The following PLCD3 variants were observed in gnomAD, a reference collection of about 807,000 sequenced individuals.
The protein encoded by PLCD3 is 1-phosphatidylinositol 4,5-bisphosphate phosphodiesterase delta-3.
Under a neutral mutation model 82.8 loss-of-function variants are expected in PLCD3, and 62 were observed. The observed-to-expected ratio is 0.75, with a 90% CI of 0.61 to 0.93. The LOEUF is 0.93. Among genes scored for constraint, PLCD3 ranks in the 40% least tolerant of loss-of-function variants. PLCD3 has a pLI of 0.00. For synonymous variants in PLCD3, 478 were observed against 471.8 expected (o/e 1.01, Z -0.17); for missense variants, 1,023 against 1,103.4 (o/e 0.93, Z 1.03).
intron 10 of PLCD3, 73 bp from the exon 11 acceptor site, chr17:45,114,439 C>T (rs1396870550): frequency 5.3e-5 from 66 of 1,255,584 alleles, no homozygotes; most frequent in Non-Finnish European, 4.4e-6. Context: ...CTGTAACCTC[C>T]AGGGAACAGA....
intron 8 of PLCD3, among the ~76,000 whole-genome samples, chr17:45,116,067 G>A (rs1463596133): frequency 1.3e-5 from 2 of 152,230 alleles, no homozygotes; most frequent in East Asian, 1.9e-4. Context: ...ACGAGGGTGA[G>A]TCAACCCTGC....
intron 8 of PLCD3, 146 bp downstream of exon 8, chr17:45,116,486 C>G: frequency 1.2e-6 from 1 of 847,538 alleles, no homozygotes. Flanking sequence ...CAGGGGATGG[C>G]AGACCTCAGA....
chr17:45,113,019 C>T lies in PLCD3; in HGVS notation c.2132-7G>A, dbSNP rs1378383068. 6.2e-7 allele frequency: 1 copy of T among 1,602,702 alleles called. No homozygotes were observed. The highest frequency in any genetic ancestry group is 1.7e-5 in the Admixed American group (1 of 59,334). On this transcript the variant is annotated splice_region_variant and splice_polypyrimidine_tract_variant and intron_variant, in intron 13 of 14. Coordinates refer to ENST00000619929, the MANE Select transcript of PLCD3 (RefSeq NM_133373.5). ...CCCCAGCGGGGGTTGAAGCCTAGGG[C>T]ACAGGGATGGCAGTCAGAGCCCAGG...
At position 45,132,215 on chromosome 17, in the gene PLCD3, C is replaced by T. The variant is rs949453766; in HGVS notation, c.163+33G>A. 8.0e-7 allele frequency: 1 copy of T among 1,250,702 alleles called. No homozygotes were observed. Among genetic ancestry groups the T allele is most frequent in the Non-Finnish European group, 1.0e-6 (1 of 997,030 alleles). 77.5% of individuals were successfully genotyped at this position (1,250,702 alleles called of 1,614,324 possible). The stretch of plus-strand genomic sequence containing the variant: ...AGACTGGGCCTCTGGGAACGGTCCG[C>T]GCCCACCCCACCGCCCCTTGCCCGT... On this transcript the variant is annotated intron_variant, in intron 1 of 14. Coordinates refer to ENST00000619929, the MANE Select transcript of PLCD3 (RefSeq NM_133373.5). The surrounding 1 kb of genome is among the most constrained non-coding windows in gnomAD (Gnocchi z 4.6).
chr17:45,129,390 G>A (rs1168143544), intron 1 of PLCD3: 3 of 152,208 alleles, frequency 2.0e-5, no homozygotes, highest in African/African-American at 7.2e-5. Flanking sequence ...ATCACTTGAG[G>A]TCAGGAATTT....
chr17:45,123,491 CA>C (rs1401627521), intron 1 of PLCD3, among the ~76,000 whole-genome samples: 2 of 152,200 alleles, frequency 1.3e-5, no homozygotes. Context: ...GGTAGACGGA[CA>C]GATGGGGGGA....
chr17:45,132,449 C>A lies in PLCD3; in HGVS notation c.-39G>T, dbSNP rs924064104. The A allele has an allele frequency of 2.3e-5, 27 of 1,165,312 alleles. No individual in the cohort carries two copies. Among genetic ancestry groups the A allele is most frequent in the Non-Finnish European group, 2.8e-5 (26 of 939,946 alleles). The allele number at this position is 1,165,312 out of a possible 1,614,324, so 72.2% of individuals were successfully genotyped here. ...GCCGGGGCCGGGCCCGGGGTCTGCA[C>A]GCGGGGACAGGGCAGCGGGGCGCCG... On this transcript the variant is annotated 5_prime_UTR_variant, in exon 1 of 15. Transcript: ENST00000619929. This position sits in a 1 kb window ranked among gnomAD's most constrained non-coding sequence, Gnocchi z 4.6.
At chr17:45,116,301 C>A (rs2054291013) in intron 8 of PLCD3, among the ~76,000 whole-genome samples, 1 of 152,158 alleles carries the variant, frequency 6.6e-6, no homozygotes, top group South Asian at 2.1e-4. Flanking sequence ...CGAGAAGGGA[C>A]TTCCAGGTGG....
chr17:45,128,839 T>C (rs953507035), intron 1 of PLCD3, among the ~76,000 whole-genome samples: 7 of 152,256 alleles, frequency 4.6e-5, no homozygotes, highest in African/African-American at 1.4e-4. Context: ...TGTATTTTAT[T>C]TGGCAGCCCT....
Position 45,118,248 on chromosome 17 carries a change from C to T in PLCD3, c.1115+43G>A, listed in dbSNP as rs1474991860. ...CCCAGGAAGCCAGCCCATGTCTCTC[C>T]CCAGGTGGGGCTCCCGGAAACATTC... On this transcript the variant is annotated intron_variant, in intron 6 of 14. Coordinates refer to ENST00000619929, the MANE Select transcript of PLCD3 (RefSeq NM_133373.5). This position sits in a 1 kb window ranked among gnomAD's most constrained non-coding sequence, Gnocchi z 4.1. 3.1e-6 allele frequency: 5 copies of T among 1,612,812 alleles called. No homozygotes were observed. The highest frequency in any genetic ancestry group is 3.4e-6 in the Non-Finnish European group (4 of 1,179,100).
Position 45,118,756 on chromosome 17 carries a change from G to A in PLCD3, c.913+59C>T, listed in dbSNP as rs993204569. On this transcript the variant is annotated intron_variant, in intron 5 of 14. Coordinates refer to ENST00000619929, the MANE Select transcript of PLCD3 (RefSeq NM_133373.5). The surrounding 1 kb of genome is among the most constrained non-coding windows in gnomAD (Gnocchi z 4.1). ...CCCGCGCCAGCCCGCAGCAGAACCC[G>A]CTTAGCTGGGAACACAGCCCTTTCA... 1.5e-5 allele frequency: 23 copies of A among 1,524,592 alleles called. No homozygotes were observed. Among genetic ancestry groups the A allele is most frequent in the African/African-American group, 4.1e-5 (3 of 72,998 alleles). 94.4% of individuals were successfully genotyped at this position (1,524,592 alleles called of 1,614,324 possible). A position where few individuals can be genotyped will look rare whatever the true frequency, so the allele number is the denominator to read the frequency against.
chr17:45,125,939 T>C (rs1467610754), intron 1 of PLCD3, among the ~76,000 whole-genome samples: 2 of 152,144 alleles, frequency 1.3e-5, no homozygotes, highest in Non-Finnish European at 2.9e-5. Context: ...GTTTTGGAAA[T>C]AGGCAACAGT....
rs555564339 is a variant in PLCD3 at position 45,121,448 on chromosome 17, G to A, written c.164-76C>T. The A allele has an allele frequency of 9.3e-5, 132 of 1,414,970 alleles. No homozygotes were observed. In the African/African-American group the frequency reaches 1.9e-3, roughly 21 times the overall value. The allele number at this position is 1,414,970 out of a possible 1,614,324, so 87.7% of individuals were successfully genotyped here. A position where few individuals can be genotyped will look rare whatever the true frequency, so the allele number is the denominator to read the frequency against. ...CCCCTGCCCTCCCCCGCTAGGACCT[G>A]CTGCCCCATCCTCCAGCCTCTCCAA... On this transcript the variant is annotated intron_variant, in intron 1 of 14. Coordinates refer to ENST00000619929, the MANE Select transcript of PLCD3 (RefSeq NM_133373.5).
intron 12 of PLCD3, 34 bp downstream of exon 12, chr17:45,113,405 G>A (rs1325546966): frequency 1.3e-6 from 2 of 1,572,672 alleles, no homozygotes; most frequent in Non-Finnish European, 1.7e-6. Flanking sequence ...GAACCAGTCT[G>A]ACCCCACACT....
intron 12 of PLCD3, 32 bp from the exon 13 acceptor site, chr17:45,113,289 A>G: frequency 6.3e-7 from 1 of 1,575,806 alleles, no homozygotes; most frequent in Non-Finnish European, 8.6e-7. Flanking sequence ...GCTGGGGCCC[A>G]CGCCCACCTT....
chr17:45,116,866 G>A lies in PLCD3; in HGVS notation c.1261-82C>T, dbSNP rs1444307451. On this transcript the variant is annotated intron_variant, in intron 7 of 14. Transcript: ENST00000619929. The stretch of plus-strand genomic sequence containing the variant: ...CAACATCTGGCTCCCAGACCCTTCA[G>A]GACAGGCAGGCAAAGGCAGGGCTCT... 3 of 1,447,682 alleles carry A rather than the reference G, an allele frequency of 2.1e-6. No individual in the cohort carries two copies. The African/African-American group carries it at 4.3e-5, about 21-fold the overall frequency. The allele number at this position is 1,447,682 out of a possible 1,614,324, so 89.7% of individuals were successfully genotyped here. A position where few individuals can be genotyped will look rare whatever the true frequency, so the allele number is the denominator to read the frequency against.
chr17:45,116,602 C>G (rs750250753), intron 8 of PLCD3, 30 bp downstream of exon 8: 1 of 1,526,788 alleles, frequency 6.5e-7, no homozygotes, highest in East Asian at 2.4e-5. Flanking sequence ...AGACCTCCCT[C>G]CACCCAGGCT....
rs377698225 is a variant in PLCD3, at chr17:45,120,501, C to T, written c.555-47G>A. The T allele has an allele frequency of 6.5e-4, 1,048 of 1,611,580 alleles. 22 individuals are homozygous for T. In the South Asian group the frequency reaches 1.0e-2, roughly 15 times the overall value. On this transcript the variant is annotated intron_variant, in intron 3 of 14. Coordinates refer to ENST00000619929, the MANE Select transcript of PLCD3 (RefSeq NM_133373.5). ...CAGCAACACGCCAGGCTGCCCCCAG[C>T]CCTCAGGTAACTGGCTGGTAAGTCA...
At position 45,120,560 on chromosome 17, in the gene PLCD3, G is replaced by C. The variant is rs1003800518; in HGVS notation, c.555-106C>G. On this transcript the variant is annotated intron_variant, in intron 3 of 14. Coordinates refer to ENST00000619929, the MANE Select transcript of PLCD3 (RefSeq NM_133373.5). Reference sequence around the variant, plus strand: ...TGGGTCTGGGGGATCCCCAGTTTAGGGGCTGTACTTTCCCCTTGGCCTGTG... The same window carrying C: ...TGGGTCTGGGGGATCCCCAGTTTAGCGGCTGTACTTTCCCCTTGGCCTGTG... 2.1e-5 allele frequency: 31 copies of C among 1,471,958 alleles called. No homozygotes were observed. In the African/African-American group the frequency reaches 2.2e-4, roughly 11 times the overall value. 91.2% of individuals were successfully genotyped at this position (1,471,958 alleles called of 1,614,324 possible).
Sources: allele counts gnomAD v4.1 joint callset (sites outside exome capture counted in the v4.1 genomes callset), GRCh38; gene constraint gnomAD v4.1.1; non-coding constraint Gnocchi (gnomAD v3.1); transcripts MANE v1.5; gene names NCBI Gene and HGNC (gene_info 2026-07-23, HGNC 2026-07-21).